DEFB110: variants seen among roughly 807,000 people sequenced by gnomAD.
DEFB110 encodes beta-defensin 110.
A neutral mutation model predicts 2.5 loss-of-function variants in DEFB110; 4 were observed. The observed-to-expected ratio is 1.60, with a 90% CI of 0.79 to 3.66. The LOEUF is 3.66. Ranked by LOEUF, DEFB110 falls within the 30% of genes most tolerant of loss-of-function variation. The pLI is 0.01. For missense variants in DEFB110, 94 were observed against 75.4 expected (o/e 1.25, Z -0.91); for synonymous variants, 29 against 21.8 (o/e 1.33, Z -0.92).
chr6:50,013,958 C>T (rs548039070), downstream of DEFB110, among the ~76,000 whole-genome samples: 3 of 151,692 alleles, frequency 2.0e-5, no homozygotes, highest in East Asian at 5.8e-4. Flanking sequence ...CCAGTAGGTT[C>T]GGTAAGTAGT....
downstream of DEFB110, among the ~76,000 whole-genome samples, chr6:50,015,370 A>T (rs147941433): frequency 4.8e-3 from 728 of 151,888 alleles, 7 homozygotes; most frequent in African/African-American, 0.017. Flanking sequence ...ATAAAAGTCA[A>T]GATCTTTTCT....
At chr6:50,015,750 T>C (rs1297615546), downstream of DEFB110, among the ~76,000 whole-genome samples, 1 of 151,842 alleles carries the variant, frequency 6.6e-6, no homozygotes, top group Non-Finnish European at 1.5e-5. Context: ...TTAGTTTTGT[T>C]TTTTTATGTG....
At chr6:50,009,849 C>A (rs1181418391) in intron 1 of DEFB110, among the ~76,000 whole-genome samples, 1 of 151,978 alleles carries the variant, frequency 6.6e-6, no homozygotes, top group African/African-American at 2.4e-5. Context: ...AAAAGTGGAG[C>A]CTCACATTAG....
downstream of DEFB110, chr6:50,018,824 C>T (rs1002811993): frequency 1.4e-5 from 18 of 1,329,070 alleles, no homozygotes; most frequent in African/African-American, 7.6e-5. Context: ...CAGACATGAG[C>T]GTGACATATG....
chr6:50,009,854 C>T (rs550022983), intron 1 of DEFB110, among the ~76,000 whole-genome samples: 7 of 152,152 alleles, frequency 4.6e-5, no homozygotes, highest in Admixed American at 2.6e-4. Context: ...TGGAGCCTCA[C>T]ATTAGTATTC....
At chr6:50,020,839 A>T (rs2113943701) in intron 1 of DEFB110, among the ~76,000 whole-genome samples, 1 of 152,288 alleles carries the variant, frequency 6.6e-6, no homozygotes, top group Non-Finnish European at 1.5e-5. Flanking sequence ...ATCATTACTT[A>T]TTCTACATTT....
downstream of DEFB110, among the ~76,000 whole-genome samples, chr6:50,014,359 C>T (rs770568176): frequency 7.3e-5 from 11 of 151,008 alleles, no homozygotes; most frequent in Non-Finnish European, 1.5e-4. Flanking sequence ...TCAAGAAATT[C>T]GATGAAGAAG....
At chr6:50,017,420 C>T (rs577140705), downstream of DEFB110, among the ~76,000 whole-genome samples, 34 of 151,648 alleles carry the variant, frequency 2.2e-4, no homozygotes, top group African/African-American at 8.2e-4. Flanking sequence ...GTAAATTTGC[C>T]CCCTCCCGCA....
chr6:50,012,192 T>C (rs1160114103), intron 1 of DEFB110, among the ~76,000 whole-genome samples: 1 of 152,012 alleles, frequency 6.6e-6, no homozygotes, highest in East Asian at 1.9e-4. Context: ...TTACTCACTG[T>C]TTATGCCCTG....
At chr6:50,014,274 T>C (rs113356127), downstream of DEFB110, among the ~76,000 whole-genome samples, 286 of 151,934 alleles carry the variant, frequency 1.9e-3, no homozygotes, top group Middle Eastern at 3.4e-3. Context: ...TTTCAGTTAA[T>C]TGGTGTGAGT....
intron 1 of DEFB110, among the ~76,000 whole-genome samples, chr6:50,019,967 G>T (rs1327875602): frequency 6.6e-6 from 1 of 152,022 alleles, no homozygotes; most frequent in South Asian, 2.1e-4. Context: ...ATGCAGTTGA[G>T]ATCATAGGGT....
At chr6:50,015,204 A>C (rs1446911666), downstream of DEFB110, among the ~76,000 whole-genome samples, 1 of 151,774 alleles carries the variant, frequency 6.6e-6, no homozygotes, top group African/African-American at 2.4e-5. Flanking sequence ...AGAATTCTAC[A>C]TCCATTCCTC....
chr6:50,011,301 T>C (rs1774224307), intron 1 of DEFB110, among the ~76,000 whole-genome samples: 1 of 151,990 alleles, frequency 6.6e-6, no homozygotes, highest in South Asian at 2.1e-4. Flanking sequence ...ACATACCACA[T>C]AAAAACAAAT....
At chr6:50,014,691 C>T (rs114008944), downstream of DEFB110, among the ~76,000 whole-genome samples, 829 of 151,836 alleles carry the variant, frequency 5.5e-3, 9 homozygotes, top group African/African-American at 0.019. Flanking sequence ...TTCAAAACAT[C>T]CTTCCTGTCT....
intron 1 of DEFB110, among the ~76,000 whole-genome samples, chr6:50,010,828 T>C (rs1360967614): frequency 6.6e-6 from 1 of 151,666 alleles, no homozygotes; most frequent in Non-Finnish European, 1.5e-5. Context: ...TCCTGAGCCA[T>C]TATATTTTGT....
chr6:50,019,904 C>T (rs1261500722), intron 1 of DEFB110, among the ~76,000 whole-genome samples: 6 of 152,040 alleles, frequency 3.9e-5, no homozygotes, highest in Non-Finnish European at 8.8e-5. Flanking sequence ...TAGTGGCACG[C>T]AGACACACCC....
downstream of DEFB110, among the ~76,000 whole-genome samples, chr6:50,017,308 C>T (rs998786367): frequency 1.3e-5 from 2 of 151,628 alleles, no homozygotes; most frequent in African/African-American, 4.8e-5. Context: ...TGTAATTGGC[C>T]ACCTGAAAAT....
At chr6:50,016,048 G>A (rs1203131798), downstream of DEFB110, among the ~76,000 whole-genome samples, 1 of 151,704 alleles carries the variant, frequency 6.6e-6, no homozygotes, top group Non-Finnish European at 1.5e-5. Flanking sequence ...TTAAGCCTGG[G>A]AAGAAGTAAT....
chr6:50,010,701 T>C (rs1156652250), intron 1 of DEFB110, among the ~76,000 whole-genome samples: 1 of 151,598 alleles, frequency 6.6e-6, no homozygotes, highest in Non-Finnish European at 1.5e-5. Flanking sequence ...TAGTGAAATC[T>C]GAAGTCATTT....
Sources: allele counts gnomAD v4.1 joint callset (sites outside exome capture counted in the v4.1 genomes callset), GRCh38; gene constraint gnomAD v4.1.1; transcripts MANE v1.5; gene names NCBI Gene and HGNC (gene_info 2026-07-23, HGNC 2026-07-21).